Variants in TOMM70 observed in about 807,000 individuals in gnomAD.
TOMM70 encodes translocase of outer mitochondrial membrane 70.
In TOMM70, 13 loss-of-function variants were observed where a neutral mutation model predicts 73.6. The ratio of observed to expected loss-of-function variants is 0.18; its 90% CI spans 0.11 to 0.28. The LOEUF (loss-of-function observed/expected upper bound fraction) is 0.28. Ranked by LOEUF, TOMM70 falls within the 10% of genes least tolerant of loss-of-function variation. The pLI is 1.00. For missense variants in TOMM70, 609 were observed against 747.5 expected, an observed-to-expected ratio of 0.81 and a Z score of 2.16; for synonymous variants, 257 against 271.2, an observed-to-expected ratio of 0.95 and a Z score of 0.51.
At chr3:100,387,617 C>T (rs1434699020) in intron 1 of TOMM70, among the ~76,000 whole-genome samples, 2 of 141,656 alleles carry the variant, frequency 1.4e-5, no homozygotes, top group Non-Finnish European at 3.1e-5. Context: ...CACACACACA[C>T]ACACACACAC....
chr3:100,393,837 G>A (rs1373157522), intron 1 of TOMM70, among the ~76,000 whole-genome samples: 2 of 152,024 alleles, frequency 1.3e-5, no homozygotes, highest in Non-Finnish European at 2.9e-5. Context: ...ATGAGAATCC[G>A]CTCTGAAATA....
chr3:100,389,890 A>G (rs1361742468), intron 1 of TOMM70, among the ~76,000 whole-genome samples: 1 of 152,110 alleles, frequency 6.6e-6, no homozygotes, highest in Admixed American at 6.5e-5. Flanking sequence ...AAAATAGAAA[A>G]ATTAGCCAGG....
intron 6 of TOMM70, among the ~76,000 whole-genome samples, chr3:100,376,014 T>C (rs1706559619): frequency 6.6e-6 from 1 of 152,198 alleles, no homozygotes; most frequent in South Asian, 2.1e-4. Flanking sequence ...ATTTTCCACA[T>C]CTTCAAAAAC....
intron 6 of TOMM70, among the ~76,000 whole-genome samples, chr3:100,375,935 CA>C (rs902522296): frequency 1.3e-5 from 2 of 152,024 alleles, no homozygotes; most frequent in African/African-American, 2.4e-5. Flanking sequence ...GAGGAATTGC[CA>C]AACTAATTTC....
intron 6 of TOMM70, 125 bp from the exon 7 acceptor site, chr3:100,375,277 T>C: frequency 8.4e-7 from 1 of 1,189,230 alleles, no homozygotes; most frequent in Non-Finnish European, 1.1e-6. Context: ...AGTATGCATG[T>C]CACCTGTTTT....
chr3:100,397,966 C>CAATGTGGA (rs1195833683), intron 1 of TOMM70, among the ~76,000 whole-genome samples: 1,717 of 61,134 alleles, frequency 0.028, 21 homozygotes, highest in African/African-American at 0.15. Flanking sequence ...TTGATCCAGA[C>CAATGTGGA]AACGTGGAAA....
At chr3:100,382,131 T>G (rs1380075461) in intron 4 of TOMM70, among the ~76,000 whole-genome samples, 1 of 152,204 alleles carries the variant, frequency 6.6e-6, no homozygotes, top group African/African-American at 2.4e-5. Flanking sequence ...ATTTGAGGCA[T>G]AGCCACCCAA....
Position 100,364,242 on chromosome 3 carries a change from C to T in TOMM70, c.*1322G>A, listed in dbSNP as rs1706423732. 1 of 152,102 alleles carries T rather than the reference C, an allele frequency of 6.6e-6. No homozygotes were observed. Among genetic ancestry groups the T allele is most frequent in the African/African-American group, 2.4e-5 (1 of 41,402 alleles). The allele number at this position is 152,102 out of a possible 1,614,324, so 9.4% of individuals were successfully genotyped here. ...ACACTGTCAGTACCCCTAGTGAAGA[C>T]CTGGACCTGGGTAGTTAGTCCTTAG... is the stretch of plus-strand genomic sequence containing the variant. On this transcript the variant is annotated 3_prime_UTR_variant, in exon 12 of 12. Transcript: ENST00000284320.
At chr3:100,381,559 G>A (rs936169711) in intron 5 of TOMM70, 56 bp downstream of exon 5, 30 of 1,550,436 alleles carry the variant, frequency 1.9e-5, no homozygotes, top group Non-Finnish European at 2.6e-5. Context: ...GGGCCCTAAG[G>A]AAAGTTCAAA....
rs1561743 is a variant in TOMM70, at chr3:100,365,359, C to G, written c.*205G>C. 0.22 allele frequency: 120,759 copies of G among 557,602 alleles called. 14,616 individuals carry two copies. The highest frequency in any genetic ancestry group is 0.29 in the South Asian group (6,467 of 22,406). 34.5% of individuals were successfully genotyped at this position (557,602 alleles called of 1,614,324 possible). On this transcript the variant is annotated 3_prime_UTR_variant, in exon 12 of 12. Transcript: ENST00000284320. ...TAACATGTTCTAATCTTTTGTTGCA[C>G]AGGGAATAAAAGCTGCAAGACTGCA...
At chr3:100,397,661 C>T (rs893319773) in intron 1 of TOMM70, among the ~76,000 whole-genome samples, 2 of 151,984 alleles carry the variant, frequency 1.3e-5, no homozygotes, top group Admixed American at 6.5e-5. Context: ...GAGGCCAAGG[C>T]GGGTGAATCA....
chr3:100,387,385 T>C (rs963022738), intron 1 of TOMM70, among the ~76,000 whole-genome samples: 1 of 152,038 alleles, frequency 6.6e-6, no homozygotes, highest in Non-Finnish European at 1.5e-5. Flanking sequence ...AGGTGGAGGC[T>C]ACAGTGAGCC....
Position 100,364,731 on chromosome 3 carries a change from T to C in TOMM70, c.*833A>G, listed in dbSNP as rs527418219. On this transcript the variant is annotated 3_prime_UTR_variant, in exon 12 of 12. Coordinates refer to ENST00000284320, the MANE Select transcript of TOMM70 (RefSeq NM_014820.5). ...GTATATACAGTGCCACTGTACCCTC[T>C]ATCCTACATTTTTAAAAGCTCACCA... The C allele has an allele frequency of 7.2e-5, 11 of 152,284 alleles. No individual in the cohort carries two copies. The highest frequency in any genetic ancestry group is 2.6e-4 in the African/African-American group (11 of 41,562). The allele number at this position is 152,284 out of a possible 1,614,324, so 9.4% of individuals were successfully genotyped here.
Position 100,369,239 on chromosome 3 carries a change from A to G in TOMM70, c.1453-104T>C, listed in dbSNP as rs544311828. The stretch of plus-strand genomic sequence containing the variant: ...AAAATTTACTTCATTCATTATTACA[A>G]AATTATCACGTTTTGGGGATACAGA... On this transcript the variant is annotated intron_variant, in intron 9 of 11. Coordinates refer to ENST00000284320, the MANE Select transcript of TOMM70 (RefSeq NM_014820.5). The G allele has an allele frequency of 8.9e-5, 71 of 799,128 alleles. 1 individual carries two copies. In the South Asian group the frequency reaches 1.1e-3, roughly 12 times the overall value. The allele number at this position is 799,128 out of a possible 1,614,324, so 49.5% of individuals were successfully genotyped here. A position where few individuals can be genotyped will look rare whatever the true frequency, so the allele number is the denominator to read the frequency against.
chr3:100,368,301 G>C, intron 10 of TOMM70, 135 bp from the exon 11 acceptor site: 1 of 1,072,666 alleles, frequency 9.3e-7, no homozygotes, highest in Admixed American at 3.1e-5. Context: ...TATATAATCA[G>C]CATCAAATTG....
chr3:100,387,066 G>T lies in TOMM70; in HGVS notation c.325-88C>A, dbSNP rs1287992071. The T allele has an allele frequency of 5.1e-6, 7 of 1,382,650 alleles. No individual in the cohort carries two copies. The African/African-American group carries it at 7.3e-5, about 14-fold the overall frequency. The allele number at this position is 1,382,650 out of a possible 1,614,324, so 85.6% of individuals were successfully genotyped here. A position where few individuals can be genotyped will look rare whatever the true frequency, so the allele number is the denominator to read the frequency against. The stretch of plus-strand genomic sequence containing the variant: ...TTAAACAATAAATTGATAAAAACAG[G>T]AAGACAGAATGGCTGTTTACAATGT... On this transcript the variant is annotated intron_variant, in intron 1 of 11. Coordinates refer to ENST00000284320, the MANE Select transcript of TOMM70 (RefSeq NM_014820.5).
chr3:100,394,262 T>C (rs921376319), intron 1 of TOMM70, among the ~76,000 whole-genome samples: 26 of 152,216 alleles, frequency 1.7e-4, no homozygotes, highest in Non-Finnish European at 3.2e-4. Context: ...AAAAAGCATA[T>C]ATTATACTTG....
At chr3:100,368,470 C>A (rs936499020) in intron 10 of TOMM70, among the ~76,000 whole-genome samples, 1 of 152,168 alleles carries the variant, frequency 6.6e-6, no homozygotes, top group African/African-American at 2.4e-5. Context: ...CGCAAGGACA[C>A]GAACACTTGT....
chr3:100,396,329 G>A (rs1036743933), intron 1 of TOMM70, among the ~76,000 whole-genome samples: 1 of 151,984 alleles, frequency 6.6e-6, no homozygotes, highest in Non-Finnish European at 1.5e-5. Flanking sequence ...TTAGATTATT[G>A]GTTCCTAACC....
Sources: allele counts gnomAD v4.1 joint callset (sites outside exome capture counted in the v4.1 genomes callset), GRCh38; gene constraint gnomAD v4.1.1; transcripts MANE v1.5; gene names NCBI Gene and HGNC (gene_info 2026-07-23, HGNC 2026-07-21).